SORCS1: variants seen among roughly 807,000 people sequenced by gnomAD.
The protein encoded by SORCS1 is VPS10 domain-containing receptor SorCS1.
A neutral mutation model predicts 146.1 loss-of-function variants in SORCS1; 60 were observed. The ratio of observed to expected loss-of-function variants is 0.41; its 90% CI spans 0.33 to 0.51. The LOEUF (loss-of-function observed/expected upper bound fraction) is 0.51. SORCS1 is among the 20% of genes least tolerant of loss of function. The probability of loss-of-function intolerance (pLI) is 0.21; values close to 1 mark genes in which losing one functional copy is unlikely to be tolerated. For synonymous variants in SORCS1, 637 were observed against 584.0 expected (o/e 1.09, Z -1.31); for missense variants, 1,352 against 1,487.6 (o/e 0.91, Z 1.50).
chr10:106,591,700 A>T (rs1189554419), intron 24 of SORCS1, among the ~76,000 whole-genome samples: 1 of 152,232 alleles, frequency 6.6e-6, no homozygotes, highest in African/African-American at 2.4e-5. Context: ...AATAGGAGTG[A>T]TTCAAAAGGT....
At chr10:106,900,884 T>G (rs1207136210) in intron 2 of SORCS1, among the ~76,000 whole-genome samples, 1 of 152,204 alleles carries the variant, frequency 6.6e-6, no homozygotes, top group Non-Finnish European at 1.5e-5. Context: ...AGGTTAAAAT[T>G]CGGTAAATTT....
chr10:106,942,573 C>G (rs1167063927), intron 2 of SORCS1, among the ~76,000 whole-genome samples: 1 of 152,202 alleles, frequency 6.6e-6, no homozygotes, highest in East Asian at 1.9e-4. Flanking sequence ...CAAGTCCCAT[C>G]TCACGTCCAT....
intron 5 of SORCS1, 69 bp from the exon 6 acceptor site, chr10:106,730,183 G>A (rs754314739): frequency 7.5e-5 from 109 of 1,450,900 alleles, no homozygotes; most frequent in Non-Finnish European, 8.7e-5. Flanking sequence ...AGTGGAACTC[G>A]GCAGAGCCCC....
At chr10:107,015,387 TTC>T (rs1274211793) in intron 1 of SORCS1, among the ~76,000 whole-genome samples, 3 of 152,070 alleles carry the variant, frequency 2.0e-5, no homozygotes, top group Non-Finnish European at 4.4e-5. Flanking sequence ...TAAAGTGATG[TTC>T]TTAGGTTTCA....
intron 1 of SORCS1, among the ~76,000 whole-genome samples, chr10:107,074,183 C>A (rs1203780853): frequency 1.1e-4 from 17 of 152,162 alleles, no homozygotes. Context: ...ATCATCTGTG[C>A]TCCACCTATT....
intron 21 of SORCS1, among the ~76,000 whole-genome samples, chr10:106,615,385 C>T (rs975105338): frequency 6.6e-6 from 1 of 152,192 alleles, no homozygotes; most frequent in Non-Finnish European, 1.5e-5. Context: ...TCCTAAAGTT[C>T]TCCAGTATTT....
intron 3 of SORCS1, among the ~76,000 whole-genome samples, chr10:106,778,988 C>A (rs1019543208): frequency 2.6e-5 from 4 of 152,106 alleles, no homozygotes; most frequent in Admixed American, 6.5e-5. Flanking sequence ...TTATGCTCCA[C>A]GTGATCAGAC....
intron 2 of SORCS1, among the ~76,000 whole-genome samples, chr10:106,898,409 G>A (rs1951569638): frequency 6.6e-6 from 1 of 152,156 alleles, no homozygotes; most frequent in South Asian, 2.1e-4. Flanking sequence ...CTATGCAGGA[G>A]TTTTACAGGT....
At chr10:106,842,379 G>C (rs748569367) in intron 2 of SORCS1, among the ~76,000 whole-genome samples, 1 of 151,940 alleles carries the variant, frequency 6.6e-6, no homozygotes, top group Admixed American at 6.6e-5. Context: ...GACTACCCTT[G>C]TGCACCACCA....
intron 5 of SORCS1, among the ~76,000 whole-genome samples, chr10:106,738,815 G>A (rs1857149205): frequency 6.6e-6 from 1 of 151,594 alleles, no homozygotes; most frequent in Non-Finnish European, 1.5e-5. Context: ...AACAAAGCCA[G>A]ACCCCATCTC....
intron 2 of SORCS1, among the ~76,000 whole-genome samples, chr10:106,923,610 A>T (rs1342834805): frequency 6.6e-6 from 1 of 152,188 alleles, no homozygotes; most frequent in African/African-American, 2.4e-5. Flanking sequence ...CTGTTGCTCC[A>T]CGGCCTCACC....
chr10:106,953,660 T>C (rs1954808950), intron 2 of SORCS1, among the ~76,000 whole-genome samples: 1 of 152,172 alleles, frequency 6.6e-6, no homozygotes, highest in Admixed American at 6.5e-5. Flanking sequence ...ACTACTTATG[T>C]AGGCATAAGG....
intron 2 of SORCS1, among the ~76,000 whole-genome samples, chr10:106,865,638 C>T (rs895607696): frequency 3.3e-5 from 5 of 149,502 alleles, no homozygotes; most frequent in South Asian, 2.1e-4. Context: ...GGCAGGAGAA[C>T]GCTTGAACCT....
At chr10:107,174,172 A>G in the SORCS1 span, among the ~76,000 whole-genome samples, 1 of 152,156 alleles carries the variant, frequency 6.6e-6, no homozygotes, top group Non-Finnish European at 1.5e-5. Flanking sequence ...AATATTTGTT[A>G]GTTTTCCAAT....
chr10:107,038,965 A>G (rs1310512160), intron 1 of SORCS1, among the ~76,000 whole-genome samples: 2 of 152,180 alleles, frequency 1.3e-5, no homozygotes, highest in Non-Finnish European at 2.9e-5. Context: ...ACATAAATAA[A>G]CTACTAAGCA....
chr10:107,171,752 C>T, the SORCS1 span, among the ~76,000 whole-genome samples: 23 of 152,190 alleles, frequency 1.5e-4, no homozygotes, highest in African/African-American at 5.3e-4. Context: ...CCTGCCTTGG[C>T]CTCCCAAAGT....
At position 106,629,402 on chromosome 10, in the gene SORCS1, C is replaced by T; in HGVS notation, c.2476-14G>A. On this transcript the variant is annotated splice_polypyrimidine_tract_variant and intron_variant, in intron 18 of 25. Transcript: ENST00000263054. ...CTGAACATCACCCTGAAAAACAACC[C>T]AACATCAGAGGAAATGAGTTAGTAT... 1 of 1,612,856 alleles carries T rather than the reference C, an allele frequency of 6.2e-7. No individual in the cohort carries two copies. The highest frequency in any genetic ancestry group is 2.2e-5 in the East Asian group (1 of 44,800).
At chr10:106,684,983 A>G (rs961391329) in intron 10 of SORCS1, among the ~76,000 whole-genome samples, 1 of 152,292 alleles carries the variant, frequency 6.6e-6, no homozygotes, top group Admixed American at 6.5e-5. Context: ...TCTGAAGCTC[A>G]GGTTGAAACT....
chr10:106,786,992 G>A (rs1946087373), intron 3 of SORCS1, among the ~76,000 whole-genome samples: 1 of 152,106 alleles, frequency 6.6e-6, no homozygotes, highest in South Asian at 2.1e-4. Flanking sequence ...GGGACATTAA[G>A]GGAGCCAAGG....
Sources: allele counts gnomAD v4.1 joint callset (sites outside exome capture counted in the v4.1 genomes callset), GRCh38; gene constraint gnomAD v4.1.1; transcripts MANE v1.5; gene names NCBI Gene and HGNC (gene_info 2026-07-23, HGNC 2026-07-21).